Variants in ATP9B observed in about 807,000 individuals in gnomAD.
ATP9B encodes probable phospholipid-transporting ATPase IIB.
Under a neutral mutation model 146.1 loss-of-function variants are expected in ATP9B, and 110 were observed. The observed-to-expected ratio is 0.75, with a 90% CI of 0.65 to 0.88. ATP9B has a LOEUF of 0.88. ATP9B is among the 40% of genes least tolerant of loss of function. The probability of loss-of-function intolerance (pLI) is 0.00; values close to 1 mark genes in which losing one functional copy is unlikely to be tolerated. For missense variants in ATP9B, 1,499 were observed against 1,496.4 expected (o/e 1.00, Z -0.03); for synonymous variants, 604 against 569.7 (o/e 1.06, Z -0.86).
At chr18:79,233,637 A>G (rs574957416) in intron 11 of ATP9B, among the ~76,000 whole-genome samples, 1 of 152,316 alleles carries the variant, frequency 6.6e-6, no homozygotes, top group South Asian at 2.1e-4. Context: ...GTGTGTCGTT[A>G]CAGATGTTGA....
At chr18:79,322,554 CAGTG>C (rs2096722080) in intron 15 of ATP9B, among the ~76,000 whole-genome samples, 1 of 152,226 alleles carries the variant, frequency 6.6e-6, no homozygotes, top group African/African-American at 2.4e-5. Flanking sequence ...AGCACTTCCT[CAGTG>C]AGTATGTCCT....
In ATP9B at chr18:79,374,214, A is replaced by G. The variant is rs184691598; in HGVS notation, c.3274+113A>G. ...TAAGTTGTGGATCATGGTAAAACCCATATCAGAAAGTGCCTGCTCTTACTG... is the reference window on the plus strand; with the variant it reads ...TAAGTTGTGGATCATGGTAAAACCCGTATCAGAAAGTGCCTGCTCTTACTG... On this transcript the variant is annotated intron_variant, in intron 28 of 29. Transcript: ENST00000426216. The G allele has an allele frequency of 8.5e-5, 109 of 1,284,860 alleles. 1 individual carries two copies. Among genetic ancestry groups the G allele is most frequent in the Non-Finnish European group, 2.0e-5 (19 of 934,662 alleles). The allele number at this position is 1,284,860 out of a possible 1,614,324, so 79.6% of individuals were successfully genotyped here.
At chr18:79,074,999 C>T (rs940150657) in intron 1 of ATP9B, among the ~76,000 whole-genome samples, 6 of 152,014 alleles carry the variant, frequency 3.9e-5, no homozygotes, top group African/African-American at 1.5e-4. Context: ...ATTTATTTTG[C>T]TGTTAAATGT....
At chr18:79,101,333 AT>A (rs1389405183) in intron 2 of ATP9B, among the ~76,000 whole-genome samples, 1 of 149,512 alleles carries the variant, frequency 6.7e-6, no homozygotes. Flanking sequence ...AAATTGTTCT[AT>A]TTTTTTTCCA....
At chr18:79,144,973 G>C (rs2094560463) in intron 6 of ATP9B, 2 of 236,560 alleles carry the variant, frequency 8.5e-6, no homozygotes, top group South Asian at 9.9e-5. Context: ...GTCCAACGTG[G>C]AGATTGTCAG....
intron 12 of ATP9B, among the ~76,000 whole-genome samples, chr18:79,258,430 G>A (rs757769387): frequency 6.6e-6 from 1 of 152,014 alleles, no homozygotes; most frequent in Non-Finnish European, 1.5e-5. Context: ...AGCCTCTCTC[G>A]AAAGAAAAAA....
At chr18:79,285,569 C>T (rs1327453129) in intron 13 of ATP9B, among the ~76,000 whole-genome samples, 1 of 151,912 alleles carries the variant, frequency 6.6e-6, no homozygotes, top group African/African-American at 2.4e-5. Context: ...TTGTAGGTTG[C>T]CTGTTCACTC....
intron 15 of ATP9B, among the ~76,000 whole-genome samples, chr18:79,311,256 T>C (rs1467439393): frequency 6.6e-6 from 1 of 152,224 alleles, no homozygotes; most frequent in Non-Finnish European, 1.5e-5. Flanking sequence ...TATATATCTT[T>C]CCTTTTGACT....
chr18:79,321,085 A>T (rs2096713105), intron 15 of ATP9B, among the ~76,000 whole-genome samples: 2 of 152,248 alleles, frequency 1.3e-5, no homozygotes, highest in South Asian at 4.1e-4. Flanking sequence ...TAAAAAGAAC[A>T]CCATGACTAT....
chr18:79,340,883 T>C (rs554715033), intron 19 of ATP9B, among the ~76,000 whole-genome samples: 6 of 152,230 alleles, frequency 3.9e-5, no homozygotes, highest in Non-Finnish European at 7.3e-5. Context: ...GTGAAGGTCT[T>C]CATGAGCCTC....
At chr18:79,234,935 C>T (rs965553805) in intron 11 of ATP9B, among the ~76,000 whole-genome samples, 2 of 152,138 alleles carry the variant, frequency 1.3e-5, no homozygotes, top group African/African-American at 4.8e-5. Flanking sequence ...TTCAGTGGCG[C>T]AGTCTAGGCT....
At chr18:79,145,541 A>G (rs370465871) in intron 6 of ATP9B, 38 of 60,698 alleles carry the variant, frequency 6.3e-4, no homozygotes, top group African/African-American at 1.7e-3. Context: ...TGAAGGTGCA[A>G]GCTGCATGTC....
chr18:79,252,465 G>A (rs1189974642), intron 11 of ATP9B, among the ~76,000 whole-genome samples: 3 of 152,184 alleles, frequency 2.0e-5, no homozygotes, highest in African/African-American at 4.8e-5. Flanking sequence ...ACTGCCTTGT[G>A]GTCTTTCAGG....
chr18:79,276,981 T>C (rs1599519055), intron 12 of ATP9B, 73 bp from the exon 13 acceptor site: 1 of 1,560,116 alleles, frequency 6.4e-7, no homozygotes, highest in Non-Finnish European at 8.8e-7. Flanking sequence ...GTGGGTTTTA[T>C]CTGGCAGTTT....
chr18:79,295,445 G>T (rs2096540938), intron 13 of ATP9B, among the ~76,000 whole-genome samples: 1 of 152,036 alleles, frequency 6.6e-6, no homozygotes, highest in Non-Finnish European at 1.5e-5. Context: ...ATTGCTTTTT[G>T]GCCAACTGTA....
intron 8 of ATP9B, among the ~76,000 whole-genome samples, chr18:79,192,421 C>T (rs999200039): frequency 6.6e-6 from 1 of 152,196 alleles, no homozygotes; most frequent in African/African-American, 2.4e-5. Flanking sequence ...GATCCTCCCC[C>T]TGGCTGTGAT....
At chr18:79,094,581 G>C (rs928650362) in intron 1 of ATP9B, among the ~76,000 whole-genome samples, 5 of 152,126 alleles carry the variant, frequency 3.3e-5, no homozygotes, top group Non-Finnish European at 7.4e-5. Context: ...AGCCCTAATA[G>C]GGCTAGGAGA....
intron 2 of ATP9B, among the ~76,000 whole-genome samples, chr18:79,104,619 T>C (rs1448264447): frequency 6.6e-6 from 1 of 150,386 alleles, no homozygotes; most frequent in African/African-American, 2.5e-5. Flanking sequence ...ACTTATAATA[T>C]ACTCCTTTTC....
At chr18:79,354,144 G>A (rs1361057962) in intron 25 of ATP9B, 1 of 152,142 alleles carries the variant, frequency 6.6e-6, no homozygotes, top group Non-Finnish European at 1.5e-5. Context: ...TAACCTTTAG[G>A]TATCCGCATG....
Sources: gnomAD v4.1 joint callset for allele counts (sites outside exome capture counted in the v4.1 genomes callset) on GRCh38, gnomAD v4.1.1 for gene constraint, MANE v1.5 for transcripts, NCBI Gene and HGNC (gene_info 2026-07-23, HGNC 2026-07-21) for gene names.